CSGALNACT1: variants seen among roughly 807,000 people sequenced by gnomAD.
CSGALNACT1 encodes beta4GalNAcT-1.
A neutral mutation model predicts 51.0 loss-of-function variants in CSGALNACT1; 52 were observed. The observed-to-expected ratio is 1.02, with a 90% confidence interval of 0.82 to 1.29. The LOEUF (loss-of-function observed/expected upper bound fraction) is 1.29, where lower values mean the gene tolerates loss of function less well. CSGALNACT1 is among the 50% of genes most tolerant of loss of function. The pLI, the probability that CSGALNACT1 is intolerant of heterozygous loss-of-function variation, is 0.00. For missense variants in CSGALNACT1, 935 were observed against 679.2 expected (o/e 1.38, Z -4.19); for synonymous variants, 341 against 254.4 (o/e 1.34, Z -3.24).
intron 3 of CSGALNACT1, among the ~76,000 whole-genome samples, chr8:19,510,021 G>A (rs2078166705): frequency 6.6e-6 from 1 of 152,124 alleles, no homozygotes; most frequent in South Asian, 2.1e-4. Context: ...TAGGACCCCT[G>A]GAAGAAGGGA....
chr8:19,461,312 T>C (rs2153822908), intron 4 of CSGALNACT1, among the ~76,000 whole-genome samples: 1 of 152,324 alleles, frequency 6.6e-6, no homozygotes, highest in East Asian at 1.9e-4. Context: ...CAGGCTCTTT[T>C]CCCATCTCTG....
intron 1 of CSGALNACT1, among the ~76,000 whole-genome samples, chr8:19,710,382 G>GA (rs1232465475): frequency 1.3e-5 from 2 of 152,082 alleles, no homozygotes; most frequent in African/African-American, 2.4e-5. Flanking sequence ...GAAATCATCT[G>GA]AAAAAAGGAT....
chr8:19,414,440 G>C (rs559657328), intron 8 of CSGALNACT1, among the ~76,000 whole-genome samples: 1 of 152,094 alleles, frequency 6.6e-6, no homozygotes, highest in Non-Finnish European at 1.5e-5. Context: ...CTTTCTCAGC[G>C]AACTGTTTCT....
chr8:19,436,343 T>C (rs935833130), intron 6 of CSGALNACT1, among the ~76,000 whole-genome samples: 5 of 152,162 alleles, frequency 3.3e-5, no homozygotes, highest in African/African-American at 1.2e-4. Flanking sequence ...GCTAACACTG[T>C]GAGTCTAGAC....
intron 4 of CSGALNACT1, among the ~76,000 whole-genome samples, chr8:19,489,095 G>T (rs983459678): frequency 6.6e-6 from 1 of 152,140 alleles, no homozygotes; most frequent in Non-Finnish European, 1.5e-5. Context: ...CCTAAGAAGG[G>T]TTAATTGCAA....
intron 1 of CSGALNACT1, among the ~76,000 whole-genome samples, chr8:19,742,875 C>G (rs1377652152): frequency 6.6e-6 from 1 of 152,182 alleles, no homozygotes; most frequent in Admixed American, 6.5e-5. Context: ...AGCTCCTGTT[C>G]CACTTCTGCC....
chr8:19,450,333 G>C (rs2062952084), intron 5 of CSGALNACT1, among the ~76,000 whole-genome samples: 1 of 151,536 alleles, frequency 6.6e-6, no homozygotes, highest in Non-Finnish European at 1.5e-5. Flanking sequence ...GAGAGGAAGA[G>C]GAAGAGTAAG....
chr8:19,550,317 T>C (rs2087669761), intron 3 of CSGALNACT1, among the ~76,000 whole-genome samples: 1 of 152,148 alleles, frequency 6.6e-6, no homozygotes. Context: ...GATTTTGGAC[T>C]TCTTAAAGTG....
At chr8:19,654,350 A>G (rs2058080051) in intron 1 of CSGALNACT1, among the ~76,000 whole-genome samples, 1 of 152,170 alleles carries the variant, frequency 6.6e-6, no homozygotes, top group African/African-American at 2.4e-5. Flanking sequence ...TTAACCTTTA[A>G]TATCTGCCCA....
intron 6 of CSGALNACT1, among the ~76,000 whole-genome samples, chr8:19,426,069 CCTTA>C (rs1246807639): frequency 6.6e-6 from 1 of 152,172 alleles, no homozygotes; most frequent in Non-Finnish European, 1.5e-5. Context: ...ACAGCAATTG[CCTTA>C]CTTTTTTTCT....
intron 4 of CSGALNACT1, among the ~76,000 whole-genome samples, chr8:19,498,659 A>G (rs565210950): frequency 2.6e-5 from 4 of 152,268 alleles, no homozygotes; most frequent in South Asian, 4.1e-4. Context: ...CAATTTGTGT[A>G]CAACGCAGCC....
At chr8:19,466,896 T>C (rs925497893) in intron 4 of CSGALNACT1, among the ~76,000 whole-genome samples, 3 of 152,250 alleles carry the variant, frequency 2.0e-5, no homozygotes, top group African/African-American at 7.2e-5. Flanking sequence ...TGAAAGTTTC[T>C]TTTACCTGAT....
intron 1 of CSGALNACT1, among the ~76,000 whole-genome samples, chr8:19,754,040 A>ATTTTTTTTTTT (rs11380465): frequency 6.6e-6 from 1 of 150,672 alleles, no homozygotes; most frequent in Non-Finnish European, 1.5e-5. Context: ...ATGTGGCTCC[A>ATTTTTTTTTTT]TTTTCTTTTT....
intron 4 of CSGALNACT1, among the ~76,000 whole-genome samples, chr8:19,474,140 C>T (rs922501290): frequency 1.3e-5 from 2 of 151,986 alleles, no homozygotes; most frequent in Admixed American, 6.6e-5. Context: ...AGATAAGCTA[C>T]GACCAATGCC....
intron 3 of CSGALNACT1, among the ~76,000 whole-genome samples, chr8:19,584,042 C>T (rs1390842344): frequency 6.6e-6 from 1 of 152,164 alleles, no homozygotes; most frequent in African/African-American, 2.4e-5. Flanking sequence ...CATTCATAGA[C>T]TCAGCCCAAG....
At chr8:19,518,765 C>T (rs574065137) in intron 3 of CSGALNACT1, among the ~76,000 whole-genome samples, 2 of 152,266 alleles carry the variant, frequency 1.3e-5, no homozygotes, top group East Asian at 1.9e-4. Flanking sequence ...CCAGCTAGGC[C>T]GTCAGCACAG....
chr8:19,746,095 A>C (rs2064643416), intron 1 of CSGALNACT1, among the ~76,000 whole-genome samples: 1 of 152,264 alleles, frequency 6.6e-6, no homozygotes, highest in Non-Finnish European at 1.5e-5. Context: ...AAGTTTCTTA[A>C]GTTTTCTATG....
intron 5 of CSGALNACT1, among the ~76,000 whole-genome samples, chr8:19,451,358 T>A (rs772893322): frequency 6.6e-6 from 1 of 152,344 alleles, no homozygotes; most frequent in African/African-American, 2.4e-5. Context: ...CATATTGTTA[T>A]TGAGTCCTTG....
chr8:19,535,441 T>A (rs1001491281), intron 3 of CSGALNACT1, among the ~76,000 whole-genome samples: 4 of 152,206 alleles, frequency 2.6e-5, no homozygotes, highest in Admixed American at 1.3e-4. Flanking sequence ...GATCTCTCTA[T>A]AAGGGGTGAT....
Sources: allele counts gnomAD v4.1 joint callset (sites outside exome capture counted in the v4.1 genomes callset), GRCh38; gene constraint gnomAD v4.1.1; transcripts MANE v1.5; gene names NCBI Gene and HGNC (gene_info 2026-07-23, HGNC 2026-07-21).